TKT: variants seen among roughly 807,000 people sequenced by gnomAD.
The protein encoded by TKT is epididymis luminal protein 107.
TKT carries 47 observed loss-of-function variants against 63.9 expected under a neutral mutation model. The ratio of observed to expected loss-of-function variants is 0.74; its 90% CI spans 0.58 to 0.94. The LOEUF (loss-of-function observed/expected upper bound fraction) is 0.94, where lower values mean the gene tolerates loss of function less well. Ranked by LOEUF, TKT falls within the 40% of genes least tolerant of loss-of-function variation. The pLI, the probability that TKT is intolerant of heterozygous loss-of-function variation, is 0.00. For missense variants in TKT, 721 were observed against 846.2 expected, an observed-to-expected ratio of 0.85 and a Z score of 1.84; for synonymous variants, 338 against 334.1, an observed-to-expected ratio of 1.01 and a Z score of -0.13.
chr3:53,231,736 C>T (rs2106673239), intron 6 of TKT, 186 bp from the exon 7 acceptor site: 1 of 604,890 alleles, frequency 1.7e-6, no homozygotes, highest in East Asian at 2.8e-5. Flanking sequence ...ATAGGATGGA[C>T]TCCTACGTGC....
At chr3:53,246,782 C>T (rs569103915) in intron 1 of TKT, among the ~76,000 whole-genome samples, 51 of 150,500 alleles carry the variant, frequency 3.4e-4, no homozygotes, top group African/African-American at 1.1e-3. Flanking sequence ...ACCCGGGAGG[C>T]GGAGGTTGAA....
At chr3:53,253,629 T>C (rs1553681907) in intron 1 of TKT, among the ~76,000 whole-genome samples, 2 of 152,198 alleles carry the variant, frequency 1.3e-5, no homozygotes. Context: ...GCCGGTGCGG[T>C]GGCGGATGCC....
rs1704448367 is a variant in TKT, at chr3:53,225,161, T to A, written c.*595A>T. On this transcript the variant is annotated 3_prime_UTR_variant, in exon 14 of 14. Transcript: ENST00000462138. ...GGATTGAGGACCTCTCATGCCATCC[T>A]GAGGGTCCCTTTTCCCCCAGGACGA... The A allele has an allele frequency of 6.6e-6, 1 of 152,292 alleles. No homozygotes were observed. The highest frequency in any genetic ancestry group is 2.4e-5 in the African/African-American group (1 of 41,472). 9.4% of individuals were successfully genotyped at this position (152,292 alleles called of 1,614,324 possible). A position where few individuals can be genotyped will look rare whatever the true frequency, so the allele number is the denominator to read the frequency against.
At chr3:53,246,709 G>A (rs1553680958) in intron 1 of TKT, among the ~76,000 whole-genome samples, 1 of 151,886 alleles carries the variant, frequency 6.6e-6, no homozygotes, top group Admixed American at 6.6e-5. Flanking sequence ...AAAATTAGCC[G>A]GGCATGTGGC....
At chr3:53,229,643 G>A (rs567201088) in intron 8 of TKT, among the ~76,000 whole-genome samples, 69 of 152,152 alleles carry the variant, frequency 4.5e-4, no homozygotes, top group Non-Finnish European at 6.6e-4. Context: ...CCTCATGCCT[G>A]CTGAGGCTCC....
chr3:53,242,025 G>T, intron 2 of TKT, 100 bp downstream of exon 2: 2 of 1,105,326 alleles, frequency 1.8e-6, no homozygotes, highest in Non-Finnish European at 1.4e-6. Context: ...GGGAGAGGTG[G>T]GCCCAGCCAG....
intron 5 of TKT, chr3:53,234,594 G>GC (rs1402720458): frequency 6.3e-6 from 1 of 159,434 alleles, no homozygotes; most frequent in East Asian, 1.8e-4. Flanking sequence ...GCGGGGCTGG[G>GC]CACAGGACGT....
chr3:53,227,951 G>A, intron 12 of TKT, 105 bp downstream of exon 12: 1 of 921,898 alleles, frequency 1.1e-6, no homozygotes, highest in Non-Finnish European at 1.7e-6. Flanking sequence ...TTTCTCTCTA[G>A]CTGTGAGCTC....
In TKT at chr3:53,233,172, C is replaced by T. The variant is rs1044204001; in HGVS notation, c.732G>A (p.Lys244=). 1.9e-6 allele frequency: 3 copies of T among 1,613,742 alleles called. No individual in the cohort carries two copies. Among genetic ancestry groups the T allele is most frequent in the Non-Finnish European group, 2.5e-6 (3 of 1,179,894 alleles). ...QPTAIIAKTF[K]GRGITGVEDK... ...CATACTGACCCGTGATCCCTCGGCCCTTGAAGGTCTTGGCAATGATGGCTG... is the reference window on the plus strand; with the variant it reads ...CATACTGACCCGTGATCCCTCGGCCTTTGAAGGTCTTGGCAATGATGGCTG... The change falls in exon 6 of 14, where the codon AAG becomes AAA. Residue 244 remains lysine (K), a synonymous_variant. Coordinates refer to ENST00000462138, the MANE Select transcript of TKT (RefSeq NM_001064.4).
At chr3:53,250,084 C>A (rs932333306) in intron 1 of TKT, among the ~76,000 whole-genome samples, 1 of 152,220 alleles carries the variant, frequency 6.6e-6, no homozygotes, top group African/African-American at 2.4e-5. Flanking sequence ...ACCACCAGCC[C>A]TGCAGAGGAG....
chr3:53,234,960 T>A, intron 5 of TKT, 23 bp downstream of exon 5: 1 of 1,588,124 alleles, frequency 6.3e-7, no homozygotes, highest in Non-Finnish European at 8.6e-7. Flanking sequence ...GTGACCACAC[T>A]CAGGCCACAG....
chr3:53,255,598 A>ACGGAGGAC (rs1200276085), intron 1 of TKT, among the ~76,000 whole-genome samples: 21 of 152,210 alleles, frequency 1.4e-4, no homozygotes, highest in African/African-American at 5.1e-4. Flanking sequence ...CCTGAGGCGC[A>ACGGAGGAC]CGGAGGACCA....
At chr3:53,251,496 G>C (rs1483091186) in intron 1 of TKT, among the ~76,000 whole-genome samples, 1 of 152,190 alleles carries the variant, frequency 6.6e-6, no homozygotes, top group Non-Finnish European at 1.5e-5. Flanking sequence ...CCTTCTGTGA[G>C]GTCTGTCCCT....
chr3:53,239,373 A>G (rs1330328948), intron 4 of TKT, among the ~76,000 whole-genome samples: 1 of 152,100 alleles, frequency 6.6e-6, no homozygotes, highest in African/African-American at 2.4e-5. Flanking sequence ...CAGTGGCTCA[A>G]TCATGTATAG....
intron 1 of TKT, among the ~76,000 whole-genome samples, chr3:53,245,156 A>G (rs1348248932): frequency 2.0e-5 from 3 of 151,626 alleles, no homozygotes; most frequent in African/African-American, 7.3e-5. Flanking sequence ...ATACCAAAAA[A>G]TTAGCCAGGT....
chr3:53,226,601 CCTTTTAAGAGACCACGT>C, intron 13 of TKT, 138 bp downstream of exon 13: 1 of 1,061,002 alleles, frequency 9.4e-7, no homozygotes, highest in Non-Finnish European at 1.4e-6. Context: ...AAGCCTGAGG[CCTTTTAAGAGACCACGT>C]CCCAGCTGCT....
chr3:53,248,168 A>C (rs1705596286), intron 1 of TKT, among the ~76,000 whole-genome samples: 1 of 152,202 alleles, frequency 6.6e-6, no homozygotes, highest in Admixed American at 6.5e-5. Context: ...TTGCTCAGTA[A>C]ATATTAGACT....
intron 6 of TKT, chr3:53,232,087 G>T: frequency 2.8e-6 from 1 of 351,504 alleles, no homozygotes; most frequent in Non-Finnish European, 5.1e-6. Flanking sequence ...ACCTTGTTGT[G>T]TGCGGCCAGG....
At chr3:53,241,053 A>C (rs781973719) in intron 3 of TKT, 79 bp downstream of exon 3, 35 of 1,270,888 alleles carry the variant, frequency 2.8e-5, no homozygotes, top group Middle Eastern at 1.9e-4. Context: ...CTCAGTGGGC[A>C]CCCCCTACCC....
Sources: allele counts gnomAD v4.1 joint callset (sites outside exome capture counted in the v4.1 genomes callset), GRCh38; gene constraint gnomAD v4.1.1; transcripts MANE v1.5; gene names NCBI Gene and HGNC (gene_info 2026-07-23, HGNC 2026-07-21).